The following CELF6 variants were observed in gnomAD, a reference collection of about 807,000 sequenced individuals.
CELF6 encodes the protein CUGBP Elav-like family member 6, also known as Bruno -like 6, RNA binding protein.
CELF6 carries 32 observed loss-of-function variants against 53.1 expected under a neutral mutation model. The ratio of observed to expected loss-of-function variants is 0.60; its 90% CI spans 0.46 to 0.81. The LOEUF is 0.81. CELF6 is among the 30% of genes least tolerant of loss of function. CELF6 has a pLI of 0.00. For synonymous variants in CELF6, 291 were observed against 288.8 expected, an observed-to-expected ratio of 1.01 and a Z score of -0.08; for missense variants, 539 against 669.5, an observed-to-expected ratio of 0.81 and a Z score of 2.15.
chr15:72,294,417 G>A (rs1357003657), intron 3 of CELF6, among the ~76,000 whole-genome samples: 1 of 152,156 alleles, frequency 6.6e-6, no homozygotes, highest in Admixed American at 6.5e-5. Flanking sequence ...GGCAGTAATT[G>A]TATTACAGCA....
At chr15:72,291,523 A>G (rs2088006111) in intron 3 of CELF6, among the ~76,000 whole-genome samples, 1 of 152,184 alleles carries the variant, frequency 6.6e-6, no homozygotes, top group Non-Finnish European at 1.5e-5. Context: ...GGCTAGGCAG[A>G]TGGGGGTCCT....
At chr15:72,313,363 A>T (rs1031714044) in intron 2 of CELF6, among the ~76,000 whole-genome samples, 3 of 152,222 alleles carry the variant, frequency 2.0e-5, no homozygotes, top group African/African-American at 7.2e-5. Flanking sequence ...TTGGGAAGCC[A>T]AGGTGGGTGG....
At chr15:72,306,918 G>C (rs993201896) in intron 2 of CELF6, among the ~76,000 whole-genome samples, 1 of 152,096 alleles carries the variant, frequency 6.6e-6, no homozygotes, top group Admixed American at 6.5e-5. Context: ...AATGATGTGA[G>C]AGAAAGACAG....
In CELF6 at chr15:72,289,768, G is replaced by C; in HGVS notation, c.606C>G (p.Gly202=). The C allele has an allele frequency of 6.9e-7, 1 of 1,452,844 alleles. No individual in the cohort carries two copies. The allele number at this position is 1,452,844 out of a possible 1,614,324, so 90.0% of individuals were successfully genotyped here. A position where few individuals can be genotyped will look rare whatever the true frequency, so the allele number is the denominator to read the frequency against. Residue 202 remains glycine, a splice_region_variant and synonymous_variant, in exon 6 of 13, where the codon GGC becomes GGG. Coordinates refer to ENST00000287202, the MANE Select transcript of CELF6 (RefSeq NM_052840.5). The surrounding 1 kb of genome is among the most constrained non-coding windows in gnomAD (Gnocchi z 7.6). The stretch of plus-strand genomic sequence containing the variant: ...GCTTGACCACGAGGCTGGACGAGGC[G>C]CCCTGGGCAGGGCAGGGGAGGCCGT... ...RGLHGSRTMA[G]ASSSLVVKLA...
Position 72,284,903 on chromosome 15 carries a change from G to A in CELF6, c.*1468C>T, listed in dbSNP as rs961379871. 6.6e-6 allele frequency: 1 copy of A among 152,664 alleles called. No individual in the cohort carries two copies. Among genetic ancestry groups the A allele is most frequent in the African/African-American group, 2.4e-5 (1 of 41,466 alleles). 9.5% of individuals were successfully genotyped at this position (152,664 alleles called of 1,614,324 possible). A position where few individuals can be genotyped will look rare whatever the true frequency, so the allele number is the denominator to read the frequency against. ...CCTCAGACCAAGCTGATCCATGCCT[G>A]TGGGGTGGAGGGGAAATCCTCCTGG... On this transcript the variant is annotated 3_prime_UTR_variant, in exon 13 of 13. Transcript: ENST00000287202.
chr15:72,288,190 T>C lies in CELF6; in HGVS notation c.1318+118A>G. On this transcript the variant is annotated intron_variant, in intron 11 of 12. Coordinates refer to ENST00000287202, the MANE Select transcript of CELF6 (RefSeq NM_052840.5). This position sits in a 1 kb window ranked among gnomAD's most constrained non-coding sequence, Gnocchi z 4.6. Reference sequence around the variant, plus strand: ...CCCATCACTGGTTTGTGACCCTGTTTTGTGCCATACATTCAATCTCAGGAA... The same window carrying C: ...CCCATCACTGGTTTGTGACCCTGTTCTGTGCCATACATTCAATCTCAGGAA... 8.7e-7 allele frequency: 1 copy of C among 1,154,084 alleles called. No individual in the cohort carries two copies. The highest frequency in any genetic ancestry group is 1.3e-5 in the South Asian group (1 of 75,274). The allele number at this position is 1,154,084 out of a possible 1,614,324, so 71.5% of individuals were successfully genotyped here. A position where few individuals can be genotyped will look rare whatever the true frequency, so the allele number is the denominator to read the frequency against.
chr15:72,304,644 C>T (rs2088202426), intron 3 of CELF6, 102 bp downstream of exon 3: 6 of 1,046,392 alleles, frequency 5.7e-6, no homozygotes, highest in African/African-American at 3.1e-5. Context: ...TCCCCTTGAC[C>T]CAGGGAGGCT....
intron 3 of CELF6, among the ~76,000 whole-genome samples, chr15:72,291,880 G>C (rs1567278702): frequency 6.6e-6 from 1 of 152,194 alleles, no homozygotes; most frequent in Admixed American, 6.5e-5. Flanking sequence ...TGGACTTGTG[G>C]CTGGAATTCT....
chr15:72,288,307 C>G lies in CELF6; in HGVS notation c.1318+1G>C. 2 of 1,614,196 alleles carry G rather than the reference C, an allele frequency of 1.2e-6. No individual in the cohort carries two copies. Among genetic ancestry groups the G allele is most frequent in the Non-Finnish European group, 1.7e-6 (2 of 1,180,032 alleles). ...GGCCTAGGGGTAGGTTCTCAGCTCACCAAAACACTTGCTCTGGTTGGTGGC... is the reference window on the plus strand; with the variant it reads ...GGCCTAGGGGTAGGTTCTCAGCTCAGCAAAACACTTGCTCTGGTTGGTGGC... On this transcript the variant is annotated splice_donor_variant, in intron 11 of 12. Coordinates refer to ENST00000287202, the MANE Select transcript of CELF6 (RefSeq NM_052840.5). LOFTEE classifies it high-confidence loss of function. The surrounding 1 kb of genome is among the most constrained non-coding windows in gnomAD (Gnocchi z 4.6).
rs747475339 is a variant in CELF6 at position 72,289,815 on chromosome 15, C to T, written c.604-45G>A. The stretch of plus-strand genomic sequence containing the variant: ...CCGTGGTGACCGGTCCTGACCCTGG[C>T]CCCGGCCCGGGGCCGAGCGCCTTTC... On this transcript the variant is annotated intron_variant, in intron 5 of 12. Coordinates refer to ENST00000287202, the MANE Select transcript of CELF6 (RefSeq NM_052840.5). The surrounding 1 kb of genome is among the most constrained non-coding windows in gnomAD (Gnocchi z 7.6). 2.6e-5 allele frequency: 38 copies of T among 1,463,404 alleles called. No homozygotes were observed. The highest frequency in any genetic ancestry group is 3.2e-5 in the Non-Finnish European group (36 of 1,111,566). The allele number at this position is 1,463,404 out of a possible 1,614,324, so 90.7% of individuals were successfully genotyped here. A position where few individuals can be genotyped will look rare whatever the true frequency, so the allele number is the denominator to read the frequency against.
chr15:72,306,151 T>C (rs2088227464), intron 2 of CELF6: 1 of 978,618 alleles, frequency 1.0e-6, no homozygotes, highest in Non-Finnish European at 1.2e-6. Context: ...CTTCCTCTCA[T>C]GGGTGTTGTG....
Position 72,289,293 on chromosome 15 carries a change from G to T in CELF6, c.881-6C>A. The T allele has an allele frequency of 1.9e-6, 3 of 1,563,976 alleles. No homozygotes were observed. The highest frequency in any genetic ancestry group is 2.6e-6 in the Non-Finnish European group (3 of 1,161,160). Reference sequence around the variant, plus strand: ...GCCAGGCGGGGAGTTGGCTGCTGATGGCGGAAAAGGTCTGAGAGTCAGGCC... The same window carrying T: ...GCCAGGCGGGGAGTTGGCTGCTGATTGCGGAAAAGGTCTGAGAGTCAGGCC... On this transcript the variant is annotated splice_polypyrimidine_tract_variant and splice_region_variant and intron_variant, in intron 7 of 12. Transcript: ENST00000287202. This position sits in a 1 kb window ranked among gnomAD's most constrained non-coding sequence, Gnocchi z 7.6.
At chr15:72,315,714 C>T (rs2088354064) in intron 2 of CELF6, 131 bp downstream of exon 2, 1 of 566,264 alleles carries the variant, frequency 1.8e-6, no homozygotes, top group Non-Finnish European at 3.1e-6. Context: ...GTACAGGAAG[C>T]CCTCTCCTAG....
chr15:72,308,796 C>T (rs1438045366), intron 2 of CELF6, among the ~76,000 whole-genome samples: 1 of 151,856 alleles, frequency 6.6e-6, no homozygotes, highest in Admixed American at 6.6e-5. Context: ...ATCTCCGCCT[C>T]CCAGGTTCAA....
chr15:72,289,254 G>A lies in CELF6; in HGVS notation c.914C>T (p.Thr305Ile), dbSNP rs1468770954. 8 of 1,584,786 alleles carry A rather than the reference G, an allele frequency of 5.0e-6. No homozygotes were observed. Among genetic ancestry groups the A allele is most frequent in the Non-Finnish European group, 6.8e-6 (8 of 1,169,604 alleles). The change falls in exon 8 of 13, where the codon ACC (threonine) becomes ATC (isoleucine). Residue 305 changes from threonine (T) to isoleucine (I), a missense_variant. By Grantham distance (89) the Thr-to-Ile change is moderately conservative (BLOSUM62 -1). Coordinates refer to ENST00000287202, the MANE Select transcript of CELF6 (RefSeq NM_052840.5). The surrounding 1 kb of genome is among the most constrained non-coding windows in gnomAD (Gnocchi z 7.6). ...ANSPPGSGPG[T>I]LPGLPAPIGV... ...GATGGGCGCCGGAAGACCTGGGAGG[G>A]TGCCAGGGCCGCTGCCAGGCGGGGA...
chr15:72,309,623 C>T (rs1449426489), intron 2 of CELF6, among the ~76,000 whole-genome samples: 1 of 152,114 alleles, frequency 6.6e-6, no homozygotes, highest in Non-Finnish European at 1.5e-5. Context: ...TGGAGGACAC[C>T]TGGGATTTAG....
intron 3 of CELF6, among the ~76,000 whole-genome samples, chr15:72,292,469 G>T (rs2088018370): frequency 6.6e-6 from 1 of 152,196 alleles, no homozygotes; most frequent in South Asian, 2.1e-4. Flanking sequence ...GCTTCACAAT[G>T]CCCTAATTTG....
intron 2 of CELF6, among the ~76,000 whole-genome samples, chr15:72,304,998 A>T (rs780345083): frequency 6.6e-6 from 1 of 152,092 alleles, no homozygotes; most frequent in Non-Finnish European, 1.5e-5. Flanking sequence ...ACTGGCAGGG[A>T]TGGGTGACAG....
chr15:72,298,123 G>A (rs916931463), intron 3 of CELF6, among the ~76,000 whole-genome samples: 4 of 152,194 alleles, frequency 2.6e-5, no homozygotes, highest in Non-Finnish European at 4.4e-5. Context: ...TTAGGCCACG[G>A]AATATGTCCC....
Sources: allele counts gnomAD v4.1 joint callset (sites outside exome capture counted in the v4.1 genomes callset), GRCh38; gene constraint gnomAD v4.1.1; non-coding constraint Gnocchi (gnomAD v3.1); transcripts MANE v1.5; gene names NCBI Gene and HGNC (gene_info 2026-07-23, HGNC 2026-07-21).